The following CAMKMT variants were observed in gnomAD, a reference collection of about 807,000 sequenced individuals.
CAMKMT encodes CaM KMT.
In CAMKMT, 53 loss-of-function variants were observed where a neutral mutation model predicts 48.0. That is an observed-to-expected ratio of 1.10 (90% confidence interval 0.89 to 1.39). The LOEUF (loss-of-function observed/expected upper bound fraction) is 1.39, where lower values mean the gene tolerates loss of function less well. Ranked by LOEUF, CAMKMT falls within the 40% of genes most tolerant of loss-of-function variation. CAMKMT has a pLI of 0.00. For missense variants in CAMKMT, 428 were observed against 402.7 expected, an observed-to-expected ratio of 1.06 and a Z score of -0.54; for synonymous variants, 165 against 152.3, an observed-to-expected ratio of 1.08 and a Z score of -0.61.
chr2:44,429,207 T>G (rs1330832171), intron 3 of CAMKMT, among the ~76,000 whole-genome samples: 1 of 151,970 alleles, frequency 6.6e-6, no homozygotes, highest in African/African-American at 2.4e-5. Flanking sequence ...GAAGCTGACT[T>G]TGAAGCAATG....
intron 3 of CAMKMT, among the ~76,000 whole-genome samples, chr2:44,437,320 A>G (rs1007625792): frequency 3.3e-5 from 5 of 152,138 alleles, no homozygotes; most frequent in African/African-American, 4.8e-5. Flanking sequence ...TTAACCATCT[A>G]TTTTTGACAG....
chr2:44,539,202 G>A (rs1242693728), intron 3 of CAMKMT, among the ~76,000 whole-genome samples: 1 of 150,274 alleles, frequency 6.7e-6, no homozygotes, highest in African/African-American at 2.5e-5. Flanking sequence ...CTACTCAGGA[G>A]GCTGAGGCCA....
chr2:44,521,823 C>T (rs1406905010), intron 3 of CAMKMT, among the ~76,000 whole-genome samples: 1 of 151,496 alleles, frequency 6.6e-6, no homozygotes, highest in Non-Finnish European at 1.5e-5. Flanking sequence ...CCATTGCTCT[C>T]CAGCCTGGGC....
intron 3 of CAMKMT, among the ~76,000 whole-genome samples, chr2:44,550,451 AT>A (rs1667645718): frequency 1.3e-5 from 2 of 152,168 alleles, no homozygotes; most frequent in African/African-American, 4.8e-5. Context: ...ACATTTACAT[AT>A]AAAATGCATA....
intron 3 of CAMKMT, among the ~76,000 whole-genome samples, chr2:44,503,459 G>T (rs558128317): frequency 1.3e-4 from 20 of 152,260 alleles, no homozygotes; most frequent in African/African-American, 4.8e-4. Context: ...ATGTGAAAAA[G>T]TTAATAGTAT....
intron 1 of CAMKMT, among the ~76,000 whole-genome samples, chr2:44,372,297 A>T (rs953343796): frequency 4.6e-5 from 7 of 152,056 alleles, no homozygotes; most frequent in African/African-American, 7.2e-5. Flanking sequence ...CAGCCTGGGT[A>T]ATATAGGGAG....
At chr2:44,507,160 C>T (rs879343844) in intron 3 of CAMKMT, among the ~76,000 whole-genome samples, 1 of 151,906 alleles carries the variant, frequency 6.6e-6, no homozygotes, top group Non-Finnish European at 1.5e-5. Context: ...TATTAATGAG[C>T]TTAACTTTGA....
At chr2:44,382,948 A>G (rs1680405417) in intron 2 of CAMKMT, among the ~76,000 whole-genome samples, 1 of 152,218 alleles carries the variant, frequency 6.6e-6, no homozygotes, top group Non-Finnish European at 1.5e-5. Flanking sequence ...GGGGGCTTAA[A>G]CAAGAGAAAT....
rs113544470 is a variant in CAMKMT at position 44,651,710 on chromosome 2, G to C, written c.377-52573G>C. Among the ~76,000 whole-genome samples, 151 of 152,296 alleles carry C rather than the reference G, an allele frequency of 9.9e-4. 1 individual carries two copies. Among genetic ancestry groups the C allele is most frequent in the African/African-American group, 3.3e-3 (139 of 41,566 alleles). On this transcript the variant is annotated intron_variant, in intron 3 of 10. Transcript: ENST00000378494. ...TGTGTAGAAGGTATTAGGGAGCCTG[G>C]AGTTGTGTTAAGGTGAATGATTACG...
At chr2:44,435,253 A>G (rs1666157218) in intron 3 of CAMKMT, among the ~76,000 whole-genome samples, 1 of 152,190 alleles carries the variant, frequency 6.6e-6, no homozygotes, top group African/African-American at 2.4e-5. Context: ...TCATTTTTAT[A>G]AAACAAATAC....
intron 3 of CAMKMT, among the ~76,000 whole-genome samples, chr2:44,438,346 A>T (rs1422901699): frequency 1.3e-5 from 2 of 152,240 alleles, no homozygotes; most frequent in African/African-American, 4.8e-5. Context: ...AAGTTTGAAT[A>T]TAATTGGTTT....
At chr2:44,416,674 A>C (rs1269708067) in intron 3 of CAMKMT, among the ~76,000 whole-genome samples, 1 of 148,154 alleles carries the variant, frequency 6.7e-6, no homozygotes, top group Non-Finnish European at 1.5e-5. Flanking sequence ...CCTGGGTTCA[A>C]GTGATTCTCC....
intron 3 of CAMKMT, among the ~76,000 whole-genome samples, chr2:44,423,180 A>G (rs1354564573): frequency 6.6e-6 from 1 of 151,560 alleles, no homozygotes; most frequent in African/African-American, 2.4e-5. Context: ...ATTTTATTTT[A>G]TTTTATTTAT....
intron 3 of CAMKMT, among the ~76,000 whole-genome samples, chr2:44,520,585 A>T (rs1671055386): frequency 6.6e-6 from 1 of 152,184 alleles, no homozygotes; most frequent in Non-Finnish European, 1.5e-5. Context: ...AACATGATAC[A>T]ATGGAAAAGG....
At chr2:44,428,531 C>T (rs1051614725) in intron 3 of CAMKMT, among the ~76,000 whole-genome samples, 2 of 152,206 alleles carry the variant, frequency 1.3e-5, no homozygotes, top group East Asian at 1.9e-4. Flanking sequence ...GGTCCAGGCT[C>T]GAGGGTGGAA....
intron 3 of CAMKMT, among the ~76,000 whole-genome samples, chr2:44,409,312 A>G (rs1302215902): frequency 6.6e-6 from 1 of 151,976 alleles, no homozygotes; most frequent in African/African-American, 2.4e-5. Flanking sequence ...TCCTAGAGAT[A>G]ATCATGACTT....
intron 3 of CAMKMT, among the ~76,000 whole-genome samples, chr2:44,517,430 G>T (rs1341547592): frequency 3.9e-5 from 6 of 152,124 alleles, no homozygotes; most frequent in African/African-American, 1.4e-4. Flanking sequence ...ATTTTCAAGG[G>T]GTGTGCTGTT....
chr2:44,750,633 A>G (rs992964789), intron 8 of CAMKMT, among the ~76,000 whole-genome samples: 1 of 152,182 alleles, frequency 6.6e-6, no homozygotes, highest in African/African-American at 2.4e-5. Flanking sequence ...GACTACCTCT[A>G]CAGCACGGCT....
chr2:44,749,538 A>T (rs534950494), intron 8 of CAMKMT, among the ~76,000 whole-genome samples: 2 of 152,338 alleles, frequency 1.3e-5, no homozygotes, highest in Admixed American at 1.3e-4. Flanking sequence ...TCTTATTCAT[A>T]GCTCATCCCC....
Sources: gnomAD v4.1 joint callset for allele counts (sites outside exome capture counted in the v4.1 genomes callset) on GRCh38, gnomAD v4.1.1 for gene constraint, MANE v1.5 for transcripts, NCBI Gene and HGNC (gene_info 2026-07-23, HGNC 2026-07-21) for gene names.